The following STPG2 variants were observed in gnomAD, a reference collection of about 807,000 sequenced individuals.
STPG2 encodes sperm tail PG-rich repeat containing 2, also known as sperm-tail PG-rich repeat-containing protein 2.
Under a neutral mutation model 54.2 loss-of-function variants are expected in STPG2, and 56 were observed. The observed-to-expected ratio is 1.03, with a 90% CI of 0.83 to 1.29. STPG2 has a LOEUF of 1.29. Among genes scored for constraint, STPG2 ranks in the 50% most tolerant of loss-of-function variants. STPG2 has a pLI of 0.00. For missense variants in STPG2, 596 were observed against 544.9 expected, an observed-to-expected ratio of 1.09 and a Z score of -0.93; for synonymous variants, 200 against 181.8, an observed-to-expected ratio of 1.10 and a Z score of -0.81.
At chr4:97,869,296 ATCTT>A (rs1326857245) in intron 8 of STPG2, among the ~76,000 whole-genome samples, 1 of 151,620 alleles carries the variant, frequency 6.6e-6, no homozygotes, top group Non-Finnish European at 1.5e-5. Flanking sequence ...CTAAAATGTC[ATCTT>A]TATTTATTAA....
intron 9 of STPG2, among the ~76,000 whole-genome samples, chr4:97,817,184 C>T (rs1358854069): frequency 1.3e-5 from 2 of 149,616 alleles, no homozygotes; most frequent in African/African-American, 4.9e-5. Context: ...ATTCAGTTAT[C>T]TTTTCTGTAA....
chr4:97,612,703 G>A (rs1408195173), intron 10 of STPG2, among the ~76,000 whole-genome samples: 6 of 152,068 alleles, frequency 3.9e-5, no homozygotes, highest in Non-Finnish European at 7.4e-5. Flanking sequence ...ACAGATTTTA[G>A]TTAAGACAGA....
At chr4:98,009,301 G>C (rs1028028947) in intron 5 of STPG2, among the ~76,000 whole-genome samples, 1 of 151,436 alleles carries the variant, frequency 6.6e-6, no homozygotes, top group African/African-American at 2.4e-5. Flanking sequence ...TTTATCTCAA[G>C]ATATCTTTTT....
intron 9 of STPG2, among the ~76,000 whole-genome samples, chr4:97,756,468 C>G (rs950000797): frequency 2.6e-5 from 4 of 152,054 alleles, no homozygotes; most frequent in Admixed American, 2.6e-4. Context: ...ATTACAGGTG[C>G]CCGCCACCAT....
chr4:97,586,702 A>G (rs1733010843), intron 10 of STPG2, among the ~76,000 whole-genome samples: 1 of 151,970 alleles, frequency 6.6e-6, no homozygotes, highest in African/African-American at 2.4e-5. Context: ...AAACACCATC[A>G]ACATGAATTC....
chr4:97,756,033 T>C (rs1725722556), intron 9 of STPG2, among the ~76,000 whole-genome samples: 1 of 152,140 alleles, frequency 6.6e-6, no homozygotes, highest in Admixed American at 6.5e-5. Flanking sequence ...TCTATCTTTC[T>C]GATTGTTTCT....
chr4:97,903,279 G>C (rs576906950), intron 8 of STPG2, among the ~76,000 whole-genome samples: 1 of 151,964 alleles, frequency 6.6e-6, no homozygotes, highest in Non-Finnish European at 1.5e-5. Flanking sequence ...ATTAGTTGTG[G>C]CAATTATTCT....
At chr4:97,934,807 C>T (rs1223749404) in intron 8 of STPG2, among the ~76,000 whole-genome samples, 3 of 152,006 alleles carry the variant, frequency 2.0e-5, no homozygotes, top group African/African-American at 7.2e-5. Flanking sequence ...GGATATTGGC[C>T]TGAAGTTTTT....
chr4:97,896,334 C>A (rs879300377), intron 8 of STPG2, among the ~76,000 whole-genome samples: 3 of 151,638 alleles, frequency 2.0e-5, no homozygotes, highest in Non-Finnish European at 4.4e-5. Flanking sequence ...CTATTACATA[C>A]AAACTGAAGC....
chr4:97,687,116 T>C (rs1023980246), intron 10 of STPG2, among the ~76,000 whole-genome samples: 8 of 151,556 alleles, frequency 5.3e-5, no homozygotes, highest in Non-Finnish European at 8.8e-5. Flanking sequence ...AAATTTTTTT[T>C]TTATTTTTTA....
At chr4:97,859,072 T>C (rs183940915) in intron 8 of STPG2, among the ~76,000 whole-genome samples, 2 of 152,358 alleles carry the variant, frequency 1.3e-5, no homozygotes, top group Non-Finnish European at 2.9e-5. Context: ...TTTAAATTTT[T>C]AAATTATGGC....
At chr4:97,714,520 T>TTTC (rs1206884668) in intron 9 of STPG2, among the ~76,000 whole-genome samples, 1 of 152,290 alleles carries the variant, frequency 6.6e-6, no homozygotes, top group Non-Finnish European at 1.5e-5. Context: ...AAGTTCCTTG[T>TTTC]GGGAAGCTAA....
chr4:97,670,066 T>C (rs1330888497), intron 10 of STPG2, among the ~76,000 whole-genome samples: 1 of 152,114 alleles, frequency 6.6e-6, no homozygotes, highest in Non-Finnish European at 1.5e-5. Flanking sequence ...AAATTGTAAG[T>C]ATAATTTAAA....
chr4:97,606,640 C>G (rs1439801617), intron 10 of STPG2, among the ~76,000 whole-genome samples: 1 of 151,786 alleles, frequency 6.6e-6, no homozygotes, highest in Non-Finnish European at 1.5e-5. Context: ...GAAAGATATT[C>G]TTTAAAAATC....
chr4:98,112,617 CAT>C (rs1739396219), intron 3 of STPG2, among the ~76,000 whole-genome samples: 2 of 152,144 alleles, frequency 1.3e-5, no homozygotes, highest in East Asian at 3.9e-4. Context: ...ATTCTTTTTT[CAT>C]AGATGCAAAC....
chr4:97,495,607 T>C (rs1730593219), intron 4 of STPG2, among the ~76,000 whole-genome samples: 1 of 151,012 alleles, frequency 6.6e-6, no homozygotes, highest in South Asian at 2.1e-4. Context: ...ATATTAATTA[T>C]CTGTATTTAC....
At chr4:98,113,013 G>GAA (rs3047514) in intron 3 of STPG2, among the ~76,000 whole-genome samples, 1 of 122,038 alleles carries the variant, frequency 8.2e-6, no homozygotes, top group Admixed American at 9.0e-5. Flanking sequence ...AAGAAACTAT[G>GAA]AAAAAAAAAA....
At chr4:97,474,920 T>C (rs1192273443) in intron 4 of STPG2, among the ~76,000 whole-genome samples, 2 of 152,116 alleles carry the variant, frequency 1.3e-5, no homozygotes, top group African/African-American at 2.4e-5. Flanking sequence ...TTATGTAGTA[T>C]ATATAATTCT....
At chr4:97,993,225 A>G (rs2098935) in intron 5 of STPG2, among the ~76,000 whole-genome samples, 39,957 of 152,032 alleles carry the variant, frequency 0.26, 5,707 homozygotes, top group Middle Eastern at 0.36. Context: ...TGGGTTTATC[A>G]TAGATGACTT....
Sources: gnomAD v4.1 joint callset for allele counts (sites outside exome capture counted in the v4.1 genomes callset) on GRCh38, gnomAD v4.1.1 for gene constraint, MANE v1.5 for transcripts, NCBI Gene and HGNC (gene_info 2026-07-23, HGNC 2026-07-21) for gene names.